Variants in FOXP1 observed in about 807,000 individuals in gnomAD.
FOXP1 encodes forkhead box P1.
In FOXP1, 15 loss-of-function variants were observed where a neutral mutation model predicts 98.2. The ratio of observed to expected loss-of-function variants is 0.15; its 90% confidence interval spans 0.10 to 0.24. The LOEUF is 0.24. Among genes scored for constraint, FOXP1 ranks in the 10% least tolerant of loss-of-function variants. The probability of loss-of-function intolerance (pLI) is 1.00; values close to 1 mark genes in which losing one functional copy is unlikely to be tolerated. For synonymous variants in FOXP1, 371 were observed against 314.5 expected (o/e 1.18, Z -1.90); for missense variants, 633 against 848.5 (o/e 0.75, Z 3.15).
intron 12 of FOXP1, among the ~76,000 whole-genome samples, chr3:71,013,710 G>T (rs1199016088): frequency 6.6e-6 from 1 of 152,118 alleles, no homozygotes; most frequent in Non-Finnish European, 1.5e-5. Context: ...TAAGCAAAAA[G>T]AACAAAGCTG....
At chr3:71,345,314 G>A (rs556379428) in intron 4 of FOXP1, among the ~76,000 whole-genome samples, 3 of 151,914 alleles carry the variant, frequency 2.0e-5, no homozygotes, top group Admixed American at 2.0e-4. Flanking sequence ...CTTGAACCCA[G>A]AAGGCAGAGG....
chr3:71,151,121 G>A (rs1440723962), intron 6 of FOXP1, among the ~76,000 whole-genome samples: 1 of 152,160 alleles, frequency 6.6e-6, no homozygotes, highest in Non-Finnish European at 1.5e-5. Context: ...GTAACAAAGA[G>A]CCAGTTATTT....
intron 3 of FOXP1, among the ~76,000 whole-genome samples, chr3:71,431,797 G>A (rs1435053594): frequency 3.9e-5 from 6 of 152,180 alleles, no homozygotes; most frequent in Non-Finnish European, 8.8e-5. Context: ...TCAGAATCCA[G>A]GCCTCCTGGC....
chr3:71,501,293 C>CTTTTTTT (rs763654842), intron 2 of FOXP1, among the ~76,000 whole-genome samples: 4 of 129,724 alleles, frequency 3.1e-5, no homozygotes, highest in East Asian at 2.2e-4. Flanking sequence ...AAATGCTTTT[C>CTTTTTTT]TTTTTTTTTT....
At chr3:71,463,600 T>C (rs1003797078) in intron 3 of FOXP1, among the ~76,000 whole-genome samples, 3 of 152,114 alleles carry the variant, frequency 2.0e-5, no homozygotes, top group Admixed American at 6.5e-5. Flanking sequence ...AAGATAACTA[T>C]AACAACTTCT....
chr3:71,076,505 C>T (rs2053825185), intron 7 of FOXP1, among the ~76,000 whole-genome samples: 1 of 152,058 alleles, frequency 6.6e-6, no homozygotes, highest in South Asian at 2.1e-4. Flanking sequence ...CAGGCAGGAC[C>T]GGGAAGGGCA....
intron 3 of FOXP1, among the ~76,000 whole-genome samples, chr3:71,417,472 T>C (rs1047454984): frequency 6.6e-5 from 10 of 152,308 alleles, no homozygotes; most frequent in African/African-American, 1.9e-4. Flanking sequence ...CCCCAGCAGA[T>C]GCTAAGGATG....
rs140421177 is a variant in FOXP1, at chr3:71,102,486, C to T, written c.282+10050G>A. Among the ~76,000 whole-genome samples the T allele has an allele frequency of 1.7e-3, 257 of 152,298 alleles. 1 individual carries two copies. Among genetic ancestry groups the T allele is most frequent in the African/African-American group, 5.6e-3 (231 of 41,570 alleles). On this transcript the variant is annotated intron_variant, in intron 7 of 20. Transcript: ENST00000649528. ...CAGCTCACAACTACCGTAATTACATCGGTACACAAATTTCCCAAACTGTAC... is the reference window on the plus strand; with the variant it reads ...CAGCTCACAACTACCGTAATTACATTGGTACACAAATTTCCCAAACTGTAC...
At chr3:71,250,148 T>C (rs1458234465) in intron 5 of FOXP1, among the ~76,000 whole-genome samples, 1 of 152,226 alleles carries the variant, frequency 6.6e-6, no homozygotes, top group East Asian at 1.9e-4. Flanking sequence ...ACCCTATGCA[T>C]TGCAGAATGT....
At chr3:70,995,631 T>C (rs1207054569) in intron 13 of FOXP1, among the ~76,000 whole-genome samples, 4 of 152,240 alleles carry the variant, frequency 2.6e-5, no homozygotes, top group Non-Finnish European at 5.9e-5. Flanking sequence ...GTTTACACTT[T>C]TAGATCCCAG....
chr3:71,349,641 TAA>T (rs55905925), intron 4 of FOXP1, among the ~76,000 whole-genome samples: 12 of 149,558 alleles, frequency 8.0e-5, no homozygotes, highest in East Asian at 3.9e-4. Context: ...CATGCAAAAA[TAA>T]AAAAAAAAAT....
rs1315869522 is a variant in FOXP1 at position 71,067,765 on chromosome 3, AT to A, written c.283-13993del. 6.1e-3 allele frequency among the ~76,000 whole-genome samples: 74 copies of A among 12,104 alleles called. 1 individual carries two copies. Among genetic ancestry groups the A allele is most frequent in the African/African-American group, 9.5e-3 (65 of 6,852 alleles). 7.9% of individuals were successfully genotyped at this position (12,104 alleles called of 152,430 possible). ...ACACACACACACACACACACACACA[AT>A]TAGCCACGTGTGATGGTGCATGCCT... On this transcript the variant is annotated intron_variant, in intron 7 of 20. Transcript: ENST00000649528.
At chr3:71,061,894 T>C (rs1485462425) in intron 7 of FOXP1, among the ~76,000 whole-genome samples, 2 of 152,200 alleles carry the variant, frequency 1.3e-5, no homozygotes, top group Non-Finnish European at 2.9e-5. Flanking sequence ...TCTCTCCTGA[T>C]TGTCTCAGAA....
At chr3:71,536,025 T>C (rs1183491283) in intron 2 of FOXP1, among the ~76,000 whole-genome samples, 3 of 152,134 alleles carry the variant, frequency 2.0e-5, no homozygotes, top group Non-Finnish European at 2.9e-5. Flanking sequence ...GAGAGGCCAT[T>C]TGCAGACTAA....
intron 3 of FOXP1, among the ~76,000 whole-genome samples, chr3:71,439,856 G>T (rs1251474313): frequency 1.3e-5 from 2 of 151,006 alleles, no homozygotes; most frequent in African/African-American, 4.9e-5. Context: ...TGAGGCAGGA[G>T]AATTGCCTGA....
chr3:71,455,666 G>T (rs1375340541), intron 3 of FOXP1, among the ~76,000 whole-genome samples: 3 of 152,158 alleles, frequency 2.0e-5, no homozygotes, highest in Non-Finnish European at 4.4e-5. Flanking sequence ...AAAGGCCCAA[G>T]TTTCAATTTG....
Position 71,345,871 on chromosome 3 carries a change from T to TATA in FOXP1, c.-73+13278_-73+13279insTAT, listed in dbSNP as rs572065095. 3.6e-4 allele frequency among the ~76,000 whole-genome samples: 20 copies of TATA among 55,098 alleles called. 1 individual carries two copies. The highest frequency in any genetic ancestry group is 1.2e-3 in the African/African-American group (20 of 16,280). 36.1% of individuals were successfully genotyped at this position (55,098 alleles called of 152,430 possible). A position where few individuals can be genotyped will look rare whatever the true frequency, so the allele number is the denominator to read the frequency against. On this transcript the variant is annotated intron_variant, in intron 4 of 20. Coordinates refer to ENST00000649528, the MANE Select transcript of FOXP1 (RefSeq NM_001349338.3). The stretch of plus-strand genomic sequence containing the variant: ...AGGTTTGAAATCAATAAAGTTTTTG[T>TATA]AAAAAAAAAAAAAAAAAAAAAAAAA...
At chr3:71,369,403 A>G (rs1410206546) in intron 3 of FOXP1, among the ~76,000 whole-genome samples, 1 of 152,118 alleles carries the variant, frequency 6.6e-6, no homozygotes, top group African/African-American at 2.4e-5. Context: ...AAAACAAAAA[A>G]ACAAAAACAG....
At chr3:71,517,492 T>A (rs1444067519) in intron 2 of FOXP1, among the ~76,000 whole-genome samples, 1 of 152,208 alleles carries the variant, frequency 6.6e-6, no homozygotes, top group Non-Finnish European at 1.5e-5. Context: ...TCTATTATAA[T>A]AATTGTCAGT....
Sources: gnomAD v4.1 joint callset for allele counts (sites outside exome capture counted in the v4.1 genomes callset) on GRCh38, gnomAD v4.1.1 for gene constraint, MANE v1.5 for transcripts, NCBI Gene and HGNC (gene_info 2026-07-23, HGNC 2026-07-21) for gene names.